Variants in EML1 observed in about 807,000 individuals in gnomAD.
The protein encoded by EML1 is EMAP like 1.
EML1 carries 27 observed loss-of-function variants against 110.4 expected under a neutral mutation model. That is an observed-to-expected ratio of 0.24 (90% CI 0.18 to 0.34). The LOEUF (loss-of-function observed/expected upper bound fraction) is 0.34, where lower values mean the gene tolerates loss of function less well. Ranked by LOEUF, EML1 falls within the 10% of genes least tolerant of loss-of-function variation. The probability of loss-of-function intolerance (pLI) is 1.00; values close to 1 mark genes in which losing one functional copy is unlikely to be tolerated. For synonymous variants in EML1, 344 were observed against 385.8 expected (o/e 0.89, Z 1.27); for missense variants, 741 against 1,030.9 (o/e 0.72, Z 3.85).
At chr14:99,844,064 T>C (rs1484047373) in intron 1 of EML1, among the ~76,000 whole-genome samples, 1 of 152,230 alleles carries the variant, frequency 6.6e-6, no homozygotes, top group African/African-American at 2.4e-5. Context: ...AGAAGTTACA[T>C]AGCACTTAAG....
intron 1 of EML1, among the ~76,000 whole-genome samples, chr14:99,785,401 G>A (rs2057588093): frequency 6.6e-6 from 1 of 152,188 alleles, no homozygotes; most frequent in Non-Finnish European, 1.5e-5. Flanking sequence ...GGAAGGGATA[G>A]AAGAAACATC....
chr14:99,939,474 C>T lies in EML1; in HGVS notation c.2322+147C>T. 7.6e-7 allele frequency: 1 copy of T among 1,319,964 alleles called. No individual in the cohort carries two copies. The highest frequency in any genetic ancestry group is 1.5e-5 in the South Asian group (1 of 67,434). The allele number at this position is 1,319,964 out of a possible 1,614,324, so 81.8% of individuals were successfully genotyped here. On this transcript the variant is annotated intron_variant, in intron 21 of 21. Coordinates refer to ENST00000262233, the MANE Select transcript of EML1 (RefSeq NM_004434.3). The surrounding 1 kb of genome is among the most constrained non-coding windows in gnomAD (Gnocchi z 4.2). The stretch of plus-strand genomic sequence containing the variant: ...GACTCTGTTCTTTGCGCCCTGAGCA[C>T]TTCCAGCCGCCCTTAGGGAAACCCC...
intron 1 of EML1, among the ~76,000 whole-genome samples, chr14:99,844,094 G>T (rs1280590456): frequency 6.6e-6 from 1 of 152,150 alleles, no homozygotes; most frequent in Non-Finnish European, 1.5e-5. Context: ...TTTCCCTTGA[G>T]CAATAAGTAC....
intron 4 of EML1, among the ~76,000 whole-genome samples, chr14:99,890,116 T>C (rs993505930): frequency 2.0e-5 from 3 of 152,210 alleles, no homozygotes; most frequent in Non-Finnish European, 2.9e-5. Context: ...ATATATCTGC[T>C]CAAGTTTTTG....
Position 99,830,793 on chromosome 14 carries a change from C to T in EML1, c.68-20060C>T, listed in dbSNP as rs186064089. The stretch of plus-strand genomic sequence containing the variant: ...CTCGAACTCCTGACCTCAGGTGATC[C>T]GCCCGCCTCAGCCTCCTAAAGTGCT... On this transcript the variant is annotated intron_variant, in intron 1 of 21. Coordinates refer to ENST00000262233, the MANE Select transcript of EML1 (RefSeq NM_004434.3). 4.5e-3 allele frequency among the ~76,000 whole-genome samples: 687 copies of T among 152,226 alleles called. 7 individuals carry two copies. The highest frequency in any genetic ancestry group is 0.028 in the South Asian group (133 of 4,820).
chr14:99,770,178 G>A (rs2057408413), upstream of EML1, among the ~76,000 whole-genome samples: 1 of 152,116 alleles, frequency 6.6e-6, no homozygotes, highest in African/African-American at 2.4e-5. Context: ...GAATATCATA[G>A]ACTTGGTGGA....
chr14:99,926,944 C>T (rs1409303936), intron 17 of EML1, among the ~76,000 whole-genome samples: 1 of 152,094 alleles, frequency 6.6e-6, no homozygotes, highest in African/African-American at 2.4e-5. Flanking sequence ...GAGGTTTTGC[C>T]ATGTTGCCCA....
At chr14:99,788,631 ATG>A (rs376095429), upstream of EML1, among the ~76,000 whole-genome samples, 55 of 149,794 alleles carry the variant, frequency 3.7e-4, no homozygotes, top group Admixed American at 3.3e-4. Context: ...TCTCCCTAAT[ATG>A]TGTGTGTGTG....
intron 1 of EML1, among the ~76,000 whole-genome samples, chr14:99,747,718 G>C (rs2057127822): frequency 6.6e-6 from 1 of 152,142 alleles, no homozygotes; most frequent in African/African-American, 2.4e-5. Context: ...ACTCTCTGCA[G>C]GGGCTCGGAG....
chr14:99,739,183 C>T (rs1254688770), intron 1 of EML1, among the ~76,000 whole-genome samples: 1 of 149,964 alleles, frequency 6.7e-6, no homozygotes, highest in Non-Finnish European at 1.5e-5. Flanking sequence ...ACAGAAGGGG[C>T]CTGACCTCAC....
intron 17 of EML1, among the ~76,000 whole-genome samples, chr14:99,935,309 A>C (rs2060447070): frequency 6.6e-6 from 1 of 151,986 alleles, no homozygotes; most frequent in Admixed American, 6.6e-5. Context: ...CCCCAACTCT[A>C]CAAAAAAATG....
intron 4 of EML1, among the ~76,000 whole-genome samples, chr14:99,882,358 A>G (rs2059399584): frequency 6.6e-6 from 1 of 152,212 alleles, no homozygotes; most frequent in African/African-American, 2.4e-5. Flanking sequence ...TGCTAGATTG[A>G]TAAAGCATTT....
Position 99,809,844 on chromosome 14 carries a change from G to A in EML1, c.67+16301G>A, listed in dbSNP as rs113757900. On this transcript the variant is annotated intron_variant, in intron 1 of 21. Coordinates refer to ENST00000262233, the MANE Select transcript of EML1 (RefSeq NM_004434.3). ...AGAGGTATTTTTGAATGTGACTATG[G>A]GTCTTGTCCTAGGCCCTTCTGGGAT... Among the ~76,000 whole-genome samples the A allele has an allele frequency of 2.1e-3, 319 of 152,270 alleles. 2 individuals are homozygous for A. Among genetic ancestry groups the A allele is most frequent in the African/African-American group, 7.4e-3 (308 of 41,542 alleles).
intron 1 of EML1, among the ~76,000 whole-genome samples, chr14:99,767,611 G>GA (rs1021283559): frequency 5.9e-5 from 9 of 151,600 alleles, no homozygotes; most frequent in South Asian, 2.1e-4. Flanking sequence ...TCCATCTCAA[G>GA]AAAAAAAAGA....
In EML1 at chr14:99,939,841, A is replaced by C; in HGVS notation, c.2323-146A>C. 1 of 1,023,022 alleles carries C rather than the reference A, an allele frequency of 9.8e-7. No homozygotes were observed. The allele number at this position is 1,023,022 out of a possible 1,614,324, so 63.4% of individuals were successfully genotyped here. On this transcript the variant is annotated intron_variant, in intron 21 of 21. Transcript: ENST00000262233. The surrounding 1 kb of genome is among the most constrained non-coding windows in gnomAD (Gnocchi z 4.2). ...TTTGTTTCTGTGTCCCTTCTGTGTC[A>C]CACACAGAGCAGGTTCCCAAGTGAG... is the stretch of plus-strand genomic sequence containing the variant.
chr14:99,851,470 G>A (rs1455164230), intron 2 of EML1, among the ~76,000 whole-genome samples: 1 of 152,118 alleles, frequency 6.6e-6, no homozygotes, highest in Non-Finnish European at 1.5e-5. Context: ...ACCACGCCCG[G>A]CTTATTTTTT....
chr14:99,739,093 A>AGT (rs1566843371), intron 1 of EML1, among the ~76,000 whole-genome samples: 1 of 128,186 alleles, frequency 7.8e-6, no homozygotes. Flanking sequence ...TGTGTGTGTG[A>AGT]GAGAGAGAGA....
In EML1 at chr14:99,914,130, A is replaced by G. The variant is rs771464284; in HGVS notation, c.1495-49A>G. 79 of 1,582,602 alleles carry G rather than the reference A, an allele frequency of 5.0e-5. No individual in the cohort carries two copies. The Middle Eastern group carries it at 1.4e-3, about 29-fold the overall frequency. On this transcript the variant is annotated intron_variant, in intron 13 of 21. Transcript: ENST00000262233. ...AGTGTTTTGAATGACTGAGCTAACA[A>G]CTGAATGAAATTGTACATCTTTTCT...
At chr14:99,748,082 G>A (rs115513746) in intron 1 of EML1, among the ~76,000 whole-genome samples, 15 of 152,138 alleles carry the variant, frequency 9.9e-5, no homozygotes, top group African/African-American at 2.7e-4. Flanking sequence ...GGCGGAATTC[G>A]CCCGGGATGC....
Sources: gnomAD v4.1 joint callset for allele counts (sites outside exome capture counted in the v4.1 genomes callset) on GRCh38, gnomAD v4.1.1 for gene constraint, Gnocchi (gnomAD v3.1) non-coding constraint, MANE v1.5 for transcripts, NCBI Gene and HGNC (gene_info 2026-07-23, HGNC 2026-07-21) for gene names.